C3orf49: variants seen among roughly 807,000 people sequenced by gnomAD.
C3orf49 encodes the protein chromosome 3 open reading frame 49.
In C3orf49, 27 loss-of-function variants were observed where a neutral mutation model predicts 13.3. That is an observed-to-expected ratio of 2.02 (90% CI 1.49 to 2.79). C3orf49 has a LOEUF of 2.79. Among genes scored for constraint, C3orf49 ranks in the 30% most tolerant of loss-of-function variants. The probability of loss-of-function intolerance (pLI) is 0.00; values close to 1 mark genes in which losing one functional copy is unlikely to be tolerated. For synonymous variants in C3orf49, 87 were observed against 47.6 expected (o/e 1.83, Z -3.40); for missense variants, 242 against 134.2 (o/e 1.80, Z -3.97).
the C3orf49 span, among the ~76,000 whole-genome samples, chr3:63,807,625 A>G: frequency 2.0e-5 from 3 of 152,018 alleles, no homozygotes; most frequent in Non-Finnish European, 2.9e-5. Context: ...CAAGGTCGAG[A>G]CCAGTGGATC....
At chr3:63,843,824 C>T (rs1403190841) in intron 5 of C3orf49, among the ~76,000 whole-genome samples, 1 of 151,952 alleles carries the variant, frequency 6.6e-6, no homozygotes. Flanking sequence ...TGGCGTGAAC[C>T]CGGGAGGCGG....
the C3orf49 span, among the ~76,000 whole-genome samples, chr3:63,809,807 T>A: frequency 5.9e-5 from 9 of 152,284 alleles, no homozygotes; most frequent in Admixed American, 3.9e-4. Context: ...TTCCTGTAGG[T>A]CTCTGCTATT....
the C3orf49 span, among the ~76,000 whole-genome samples, chr3:63,802,960 G>A: frequency 6.6e-6 from 1 of 151,970 alleles, no homozygotes; most frequent in East Asian, 1.9e-4. Context: ...CCATCATTCT[G>A]CTGCTATTTA....
At chr3:63,828,406 TC>T (rs1258871514) in intron 3 of C3orf49, among the ~76,000 whole-genome samples, 2 of 152,172 alleles carry the variant, frequency 1.3e-5, no homozygotes, top group African/African-American at 2.4e-5. Flanking sequence ...TTTAAGTGAT[TC>T]TCTTACCTCA....
chr3:63,816,370 C>A (rs894602324), upstream of C3orf49, among the ~76,000 whole-genome samples: 2 of 152,078 alleles, frequency 1.3e-5, no homozygotes, highest in African/African-American at 4.8e-5. Context: ...GCAGGTGGAT[C>A]ACCTGAGCTC....
intron 1 of C3orf49, among the ~76,000 whole-genome samples, chr3:63,821,142 G>A (rs937713478): frequency 2.6e-5 from 4 of 152,042 alleles, no homozygotes; most frequent in African/African-American, 7.2e-5. Flanking sequence ...AGCTTATAGA[G>A]GTTACATGAC....
chr3:63,824,135 C>T (rs911855001), intron 2 of C3orf49, among the ~76,000 whole-genome samples: 4 of 151,874 alleles, frequency 2.6e-5, no homozygotes, highest in Non-Finnish European at 4.4e-5. Context: ...CTTGGAGGTT[C>T]CTTCCAGTTC....
the C3orf49 span, among the ~76,000 whole-genome samples, chr3:63,811,323 C>T: frequency 2.7e-5 from 4 of 150,940 alleles, no homozygotes; most frequent in South Asian, 2.1e-4. Flanking sequence ...CTTTGGGAGG[C>T]CGAGGCGAGC....
the C3orf49 span, among the ~76,000 whole-genome samples, chr3:63,812,960 T>G: frequency 1.3e-5 from 2 of 152,246 alleles, no homozygotes; most frequent in Non-Finnish European, 2.9e-5. Context: ...TTTCAGGATT[T>G]TCTATGCCTG....
the C3orf49 span, among the ~76,000 whole-genome samples, chr3:63,791,778 C>T: frequency 6.6e-6 from 1 of 152,134 alleles, no homozygotes; most frequent in African/African-American, 2.4e-5. Context: ...TGAAATAAAT[C>T]CTCCTAAAAA....
the C3orf49 span, among the ~76,000 whole-genome samples, chr3:63,799,210 C>A: frequency 1.3e-5 from 2 of 152,098 alleles, no homozygotes; most frequent in African/African-American, 2.4e-5. Context: ...AAAGCTGTGA[C>A]CTTTCCAGTC....
the C3orf49 span, among the ~76,000 whole-genome samples, chr3:63,787,541 T>C: frequency 2.0e-5 from 3 of 152,090 alleles, no homozygotes; most frequent in Non-Finnish European, 4.4e-5. Flanking sequence ...ATACCCTTTT[T>C]TAAAAAAAAA....
In C3orf49 at chr3:63,819,385, T is replaced by A; in HGVS notation, c.-87T>A. 1 of 662,118 alleles carries A rather than the reference T, an allele frequency of 1.5e-6. No homozygotes were observed. The highest frequency in any genetic ancestry group is 1.6e-5 in the South Asian group (1 of 61,126). The allele number at this position is 662,118 out of a possible 1,614,324, so 41.0% of individuals were successfully genotyped here. ...AATAGCCCACACCTTGACAGTACAT[T>A]CAGTCACTGGATGATTTTGTATTGA... On this transcript the variant is annotated 5_prime_UTR_variant, in exon 1 of 7. Transcript: ENST00000295896.
At chr3:63,803,396 T>C in the C3orf49 span, among the ~76,000 whole-genome samples, 8 of 152,206 alleles carry the variant, frequency 5.3e-5, no homozygotes, top group African/African-American at 1.9e-4. Context: ...GAAATCCTCT[T>C]GCTCTCCTCC....
chr3:63,821,078 T>A (rs1013999696), intron 1 of C3orf49, among the ~76,000 whole-genome samples: 1 of 152,196 alleles, frequency 6.6e-6, no homozygotes, highest in Non-Finnish European at 1.5e-5. Flanking sequence ...AATTATTTCC[T>A]TTTATTTTCA....
At chr3:63,845,419 G>A (rs1263635156) in intron 6 of C3orf49, among the ~76,000 whole-genome samples, 1 of 152,156 alleles carries the variant, frequency 6.6e-6, no homozygotes, top group African/African-American at 2.4e-5. Flanking sequence ...GAATGTGGCT[G>A]GACAGAAATA....
chr3:63,820,979 A>G (rs1042970227), intron 1 of C3orf49, among the ~76,000 whole-genome samples: 1 of 152,214 alleles, frequency 6.6e-6, no homozygotes. Context: ...GATTTTCCCC[A>G]TAAGTTAATG....
chr3:63,819,318 A>G lies in C3orf49; in HGVS notation c.-154A>G. The G allele has an allele frequency of 1.7e-6, 1 of 579,328 alleles. No individual in the cohort carries two copies. The highest frequency in any genetic ancestry group is 3.1e-6 in the Non-Finnish European group (1 of 324,294). The allele number at this position is 579,328 out of a possible 1,614,324, so 35.9% of individuals were successfully genotyped here. On this transcript the variant is annotated 5_prime_UTR_variant, in exon 1 of 7. Coordinates refer to ENST00000295896, the MANE Select transcript of C3orf49 (RefSeq NM_001355236.2). The stretch of plus-strand genomic sequence containing the variant: ...TAATGTCTCTAACACCTGGAAGGGA[A>G]TAAGGGAAAGACTCTAAAAATTTCC...
At chr3:63,783,148 TC>T in the C3orf49 span, 6 of 152,196 alleles carry the variant, frequency 3.9e-5, no homozygotes, top group African/African-American at 1.4e-4. Context: ...AAGTCTCCCA[TC>T]CCAGAAAACT....
Sources: allele counts gnomAD v4.1 joint callset (sites outside exome capture counted in the v4.1 genomes callset), GRCh38; gene constraint gnomAD v4.1.1; transcripts MANE v1.5; gene names NCBI Gene and HGNC (gene_info 2026-07-23, HGNC 2026-07-21).